The following HS3ST1 variants were observed in gnomAD, a reference collection of about 807,000 sequenced individuals.
HS3ST1 encodes heparan sulfate-glucosamine 3-sulfotransferase 1, also known as heparan sulfate glucosamine 3-O-sulfotransferase 1.
Under a neutral mutation model 20.7 loss-of-function variants are expected in HS3ST1, and 8 were observed. The ratio of observed to expected loss-of-function variants is 0.39; its 90% CI spans 0.23 to 0.70. The LOEUF (loss-of-function observed/expected upper bound fraction) is 0.70. Among genes scored for constraint, HS3ST1 ranks in the 30% least tolerant of loss-of-function variants. The pLI, the probability that HS3ST1 is intolerant of heterozygous loss-of-function variation, is 0.46. For synonymous variants in HS3ST1, 205 were observed against 190.4 expected (o/e 1.08, Z -0.63); for missense variants, 436 against 423.4 (o/e 1.03, Z -0.26).
chr4:11,400,101 A>G lies in HS3ST1; in HGVS notation c.-96T>C. On this transcript the variant is annotated 5_prime_UTR_variant, in exon 2 of 2. Coordinates refer to ENST00000002596, the MANE Select transcript of HS3ST1 (RefSeq NM_005114.4). ...CTAGTCAGTGGCACATGGGCGTTTC[A>G]GGCCTTCAATTACTAGGGAACAAAA... 1 of 1,428,540 alleles carries G rather than the reference A, an allele frequency of 7.0e-7. No homozygotes were observed. Among genetic ancestry groups the G allele is most frequent in the South Asian group, 1.5e-5 (1 of 66,364 alleles). 88.5% of individuals were successfully genotyped at this position (1,428,540 alleles called of 1,614,324 possible).
chr4:11,404,247 G>A (rs112050695), intron 1 of HS3ST1, among the ~76,000 whole-genome samples: 2,883 of 152,058 alleles, frequency 0.019, 103 homozygotes, highest in African/African-American at 0.066. Flanking sequence ...ATGGGGTTTC[G>A]CCATGTTGGT....
rs1270728707 is a variant in HS3ST1 at position 11,394,488 on chromosome 4, T to C, written c.*4594A>G. ...GAACTCTGTTATGTTGCTCTGGCCT[T>C]TAACTCAGGCTCAGTCTTCCGAAAT... On this transcript the variant is annotated 3_prime_UTR_variant, in exon 2 of 2. Transcript: ENST00000002596. 4 of 152,252 alleles carry C rather than the reference T, an allele frequency of 2.6e-5. No individual in the cohort carries two copies. Among genetic ancestry groups the C allele is most frequent in the Non-Finnish European group, 5.9e-5 (4 of 68,054 alleles). 9.4% of individuals were successfully genotyped at this position (152,252 alleles called of 1,614,324 possible).
At chr4:11,403,707 CACAGGGTATGTGTAGT>C (rs1718388918) in intron 1 of HS3ST1, among the ~76,000 whole-genome samples, 1 of 152,202 alleles carries the variant, frequency 6.6e-6, no homozygotes, top group South Asian at 2.1e-4. Context: ...TCAGCTGACA[CACAGGGTATGTGTAGT>C]ACAGGGTCAA....
intron 1 of HS3ST1, among the ~76,000 whole-genome samples, chr4:11,409,461 G>A (rs1718559808): frequency 6.6e-6 from 1 of 152,118 alleles, no homozygotes; most frequent in Non-Finnish European, 1.5e-5. Flanking sequence ...GACAAGATTG[G>A]TGTCCTTATA....
chr4:11,417,509 T>A (rs1718815637), intron 1 of HS3ST1, among the ~76,000 whole-genome samples: 1 of 152,230 alleles, frequency 6.6e-6, no homozygotes, highest in Admixed American at 6.5e-5. Flanking sequence ...TTTAGAGAGA[T>A]TATTCACCTG....
intron 1 of HS3ST1, among the ~76,000 whole-genome samples, chr4:11,425,375 AATT>A (rs1257294249): frequency 6.6e-6 from 1 of 152,180 alleles, no homozygotes; most frequent in African/African-American, 2.4e-5. Context: ...TTTTTAAAAA[AATT>A]ATTAATTAAC....
At chr4:11,400,193 G>C (rs1196439327) in intron 1 of HS3ST1, 80 bp from the exon 2 acceptor site, 2 of 1,233,298 alleles carry the variant, frequency 1.6e-6, no homozygotes, top group African/African-American at 3.1e-5. Flanking sequence ...CCACTCTGTA[G>C]TGAGGCCTAT....
At chr4:11,408,001 G>T (rs971929541) in intron 1 of HS3ST1, among the ~76,000 whole-genome samples, 1 of 152,174 alleles carries the variant, frequency 6.6e-6, no homozygotes, top group Non-Finnish European at 1.5e-5. Context: ...TCCTACTGTT[G>T]TTGGGGTAGT....
chr4:11,422,142 A>G (rs1278808555), intron 1 of HS3ST1, among the ~76,000 whole-genome samples: 1 of 152,260 alleles, frequency 6.6e-6, no homozygotes, highest in Non-Finnish European at 1.5e-5. Context: ...GGGAATCCCT[A>G]AAATAGACAA....
upstream of HS3ST1, among the ~76,000 whole-genome samples, chr4:11,430,306 A>AG (rs397722611): frequency 1.3e-5 from 2 of 151,988 alleles, no homozygotes; most frequent in African/African-American, 4.8e-5. Context: ...GTTAAAAAAA[A>AG]ATACAAATTC....
chr4:11,415,068 A>G (rs1408078430), intron 1 of HS3ST1, among the ~76,000 whole-genome samples: 2 of 152,242 alleles, frequency 1.3e-5, no homozygotes, highest in African/African-American at 2.4e-5. Context: ...TATTTCATCA[A>G]CATTAAGGAG....
At chr4:11,421,464 A>G (rs1438054551) in intron 1 of HS3ST1, among the ~76,000 whole-genome samples, 3 of 152,184 alleles carry the variant, frequency 2.0e-5, no homozygotes, top group Non-Finnish European at 4.4e-5. Context: ...CCTGCCACAC[A>G]AGTATGTATT....
intron 1 of HS3ST1, among the ~76,000 whole-genome samples, chr4:11,401,430 C>T (rs1718321977): frequency 1.3e-5 from 2 of 151,696 alleles, no homozygotes; most frequent in Non-Finnish European, 1.5e-5. Flanking sequence ...CCGCAACCTC[C>T]GCCTCCCCGG....
At chr4:11,423,635 G>A (rs914702062) in intron 1 of HS3ST1, among the ~76,000 whole-genome samples, 2 of 152,094 alleles carry the variant, frequency 1.3e-5, no homozygotes, top group East Asian at 1.9e-4. Context: ...CTGTGTCACC[G>A]GTGAGCAGAA....
intron 1 of HS3ST1, among the ~76,000 whole-genome samples, chr4:11,427,775 C>T (rs1402370728): frequency 3.9e-5 from 6 of 152,202 alleles, no homozygotes; most frequent in Non-Finnish European, 8.8e-5. Flanking sequence ...ACTGCAGAGC[C>T]CAGCACACCC....
At position 11,396,340 on chromosome 4, in the gene HS3ST1, T is replaced by C. The variant is rs956499039; in HGVS notation, c.*2742A>G. ...CTCTGGAGTGTCAAGTGTGTGAATA[T>C]TCCAAATCTAATAGCTGAGGCTTGG... is the stretch of plus-strand genomic sequence containing the variant. On this transcript the variant is annotated 3_prime_UTR_variant, in exon 2 of 2. Transcript: ENST00000002596. 3 of 152,254 alleles carry C rather than the reference T, an allele frequency of 2.0e-5. No homozygotes were observed. The highest frequency in any genetic ancestry group is 7.2e-5 in the African/African-American group (3 of 41,446). The allele number at this position is 152,254 out of a possible 1,614,324, so 9.4% of individuals were successfully genotyped here.
intron 1 of HS3ST1, among the ~76,000 whole-genome samples, chr4:11,406,211 A>G (rs940148511): frequency 6.6e-6 from 1 of 152,252 alleles, no homozygotes; most frequent in Non-Finnish European, 1.5e-5. Context: ...AATACTTGCA[A>G]CAATACAAGA....
upstream of HS3ST1, among the ~76,000 whole-genome samples, chr4:11,430,128 G>T (rs1719176116): frequency 6.6e-6 from 1 of 151,846 alleles, no homozygotes; most frequent in African/African-American, 2.4e-5. Flanking sequence ...GATTACCCTC[G>T]GCACTTTCAG....
Position 11,400,038 on chromosome 4 carries a change from CGCCGCTGGGTCATGAAGT to C in HS3ST1, c.-51_-34del. 1 of 1,463,558 alleles carries C rather than the reference CGCCGCTGGGTCATGAAGT, an allele frequency of 6.8e-7. No homozygotes were observed. Among genetic ancestry groups the C allele is most frequent in the East Asian group, 2.5e-5 (1 of 40,180 alleles). 90.7% of individuals were successfully genotyped at this position (1,463,558 alleles called of 1,614,324 possible). ...ACCACGGTGGCTTCACTGGGCCGCGCGCCGCTGGGTCATGAAGTGCCGCAGCAGGGAAGCCTCCTAGTC... is the reference window on the plus strand; with the variant it reads ...ACCACGGTGGCTTCACTGGGCCGCGCGCCGCAGCAGGGAAGCCTCCTAGTC... On this transcript the variant is annotated 5_prime_UTR_variant, in exon 2 of 2. An upstream start codon of the reference 5' UTR is lost. Coordinates refer to ENST00000002596, the MANE Select transcript of HS3ST1 (RefSeq NM_005114.4).
Sources: allele counts gnomAD v4.1 joint callset (sites outside exome capture counted in the v4.1 genomes callset), GRCh38; gene constraint gnomAD v4.1.1; transcripts MANE v1.5; gene names NCBI Gene and HGNC (gene_info 2026-07-23, HGNC 2026-07-21).